Variants in CACNA2D1 observed in about 807,000 individuals in gnomAD.
The protein encoded by CACNA2D1 is calcium voltage-gated channel auxiliary subunit alpha2delta 1.
In CACNA2D1, 53 loss-of-function variants were observed where a neutral mutation model predicts 171.5. The ratio of observed to expected loss-of-function variants is 0.31; its 90% confidence interval spans 0.25 to 0.39. The LOEUF is 0.39. CACNA2D1 is among the 10% of genes least tolerant of loss of function. CACNA2D1 has a pLI of 1.00. For synonymous variants in CACNA2D1, 442 were observed against 443.1 expected, an observed-to-expected ratio of 1.00 and a Z score of 0.03; for missense variants, 903 against 1,299.8, an observed-to-expected ratio of 0.69 and a Z score of 4.69.
At chr7:82,015,157 G>A (rs1800296476) in intron 12 of CACNA2D1, among the ~76,000 whole-genome samples, 1 of 152,176 alleles carries the variant, frequency 6.6e-6, no homozygotes, top group African/African-American at 2.4e-5. Context: ...TACATAGCTA[G>A]TCACTGCAAA....
At chr7:82,025,834 G>C (rs1009650817) in intron 12 of CACNA2D1, among the ~76,000 whole-genome samples, 3 of 151,606 alleles carry the variant, frequency 2.0e-5, no homozygotes, top group African/African-American at 7.3e-5. Context: ...TCTGTTTCCA[G>C]ATTGATCATC....
At chr7:82,146,633 T>G (rs946604897) in intron 4 of CACNA2D1, among the ~76,000 whole-genome samples, 1 of 150,896 alleles carries the variant, frequency 6.6e-6, no homozygotes, top group Non-Finnish European at 1.5e-5. Flanking sequence ...GAATGCTGTA[T>G]GAAGTGCTAC....
chr7:82,116,630 A>C (rs1461999520), intron 6 of CACNA2D1, among the ~76,000 whole-genome samples: 1 of 152,178 alleles, frequency 6.6e-6, no homozygotes, highest in Non-Finnish European at 1.5e-5. Flanking sequence ...AGTCATAAGA[A>C]CTGGAAAGAA....
chr7:82,026,291 TTGA>T (rs1383817131), intron 12 of CACNA2D1, among the ~76,000 whole-genome samples: 1 of 151,664 alleles, frequency 6.6e-6, no homozygotes, highest in Non-Finnish European at 1.5e-5. Flanking sequence ...AAAATTATTA[TTGA>T]TAAGACAAAA....
chr7:82,164,395 T>C (rs1323712172), intron 4 of CACNA2D1, among the ~76,000 whole-genome samples: 1 of 151,918 alleles, frequency 6.6e-6, no homozygotes, highest in Non-Finnish European at 1.5e-5. Flanking sequence ...TATTGGGCAT[T>C]GGGGAGCATA....
chr7:82,221,472 C>T (rs1022953627), intron 3 of CACNA2D1, among the ~76,000 whole-genome samples: 13 of 152,068 alleles, frequency 8.5e-5, no homozygotes, highest in Non-Finnish European at 1.5e-4. Context: ...CAGCCGGGGG[C>T]GGTGGCTCAG....
intron 3 of CACNA2D1, among the ~76,000 whole-genome samples, chr7:82,231,585 A>C (rs1802937414): frequency 6.6e-6 from 1 of 152,212 alleles, no homozygotes; most frequent in African/African-American, 2.4e-5. Context: ...CCATTAAAAA[A>C]AATCACATTG....
At chr7:81,952,630 T>C (rs1042044382) in intron 38 of CACNA2D1, among the ~76,000 whole-genome samples, 14 of 152,090 alleles carry the variant, frequency 9.2e-5, no homozygotes, top group Non-Finnish European at 1.3e-4. Context: ...TTCTTGAAAC[T>C]TGTTTGTGTC....
At chr7:82,254,924 T>TA (rs1806113919) in intron 3 of CACNA2D1, among the ~76,000 whole-genome samples, 1 of 152,152 alleles carries the variant, frequency 6.6e-6, no homozygotes, top group Non-Finnish European at 1.5e-5. Context: ...TTTACAAACT[T>TA]AGATTCTGGT....
rs376473045 is a variant in CACNA2D1 at position 82,376,029 on chromosome 7, A to G, written c.96-26380T>C. Among the ~76,000 whole-genome samples the G allele has an allele frequency of 2.6e-5, 4 of 152,210 alleles. No individual in the cohort carries two copies. The East Asian group carries it at 7.7e-4, about 29-fold the overall frequency. ...GCATCTTCAGGGCCTTAAGCCCCCTACCTCTTGTTAAATATGAGAAGTCTG... is the reference window on the plus strand; with the variant it reads ...GCATCTTCAGGGCCTTAAGCCCCCTGCCTCTTGTTAAATATGAGAAGTCTG... On this transcript the variant is annotated intron_variant, in intron 1 of 38. Transcript: ENST00000356860.
At chr7:81,953,743 T>C (rs1205007707) in intron 38 of CACNA2D1, among the ~76,000 whole-genome samples, 2 of 152,130 alleles carry the variant, frequency 1.3e-5, no homozygotes, top group African/African-American at 4.8e-5. Context: ...TCCCCAGTTA[T>C]GATTAAGTGT....
At chr7:81,994,459 A>G (rs1797843958) in intron 20 of CACNA2D1, among the ~76,000 whole-genome samples, 1 of 152,076 alleles carries the variant, frequency 6.6e-6, no homozygotes, top group African/African-American at 2.4e-5. Context: ...GTGGAACTCA[A>G]TAATTAGAAT....
chr7:81,984,382 T>A (rs958746296), intron 22 of CACNA2D1, among the ~76,000 whole-genome samples: 6 of 152,150 alleles, frequency 3.9e-5, no homozygotes, highest in Non-Finnish European at 5.9e-5. Context: ...AATGATTCTA[T>A]GAGCACATAG....
intron 12 of CACNA2D1, among the ~76,000 whole-genome samples, chr7:82,024,221 AC>A (rs1186315307): frequency 6.6e-6 from 1 of 150,474 alleles, no homozygotes; most frequent in African/African-American, 2.4e-5. Context: ...TCTTTGAGGG[AC>A]CTCCATATTA....
chr7:82,379,614 T>C (rs1823460567), intron 1 of CACNA2D1, among the ~76,000 whole-genome samples: 1 of 152,174 alleles, frequency 6.6e-6, no homozygotes, highest in Non-Finnish European at 1.5e-5. Context: ...TACTGACTAC[T>C]CAGACAATTG....
chr7:81,969,830 A>T, intron 28 of CACNA2D1, 51 bp downstream of exon 28: 2 of 995,280 alleles, frequency 2.0e-6, no homozygotes, highest in Non-Finnish European at 3.2e-6. Flanking sequence ...TAGTAGCAGT[A>T]ATTTATTATT....
At chr7:82,419,827 T>C (rs1265108336) in intron 1 of CACNA2D1, among the ~76,000 whole-genome samples, 1 of 152,212 alleles carries the variant, frequency 6.6e-6, no homozygotes, top group Non-Finnish European at 1.5e-5. Context: ...CAACTAGATA[T>C]CTGCATTAAA....
intron 1 of CACNA2D1, among the ~76,000 whole-genome samples, chr7:82,365,740 T>C (rs1490008236): frequency 6.6e-6 from 1 of 152,248 alleles, no homozygotes; most frequent in African/African-American, 2.4e-5. Context: ...ACTGAAGAGC[T>C]ATACGTTACT....
intron 1 of CACNA2D1, among the ~76,000 whole-genome samples, chr7:82,425,574 C>T (rs373509376): frequency 1.4e-5 from 2 of 147,132 alleles, no homozygotes; most frequent in South Asian, 2.1e-4. Flanking sequence ...CAGAGTCTTG[C>T]TCTGTTGCCG....
Sources: gnomAD v4.1 joint callset for allele counts (sites outside exome capture counted in the v4.1 genomes callset) on GRCh38, gnomAD v4.1.1 for gene constraint, MANE v1.5 for transcripts, NCBI Gene and HGNC (gene_info 2026-07-23, HGNC 2026-07-21) for gene names.